Variants in KIFAP3 observed in about 807,000 individuals in gnomAD.
KIFAP3 encodes kinesin-associated protein 3.
KIFAP3 carries 68 observed loss-of-function variants against 106.5 expected under a neutral mutation model. That is an observed-to-expected ratio of 0.64 (90% CI 0.53 to 0.78). The LOEUF is 0.78. KIFAP3 is among the 30% of genes least tolerant of loss of function. The pLI, the probability that KIFAP3 is intolerant of heterozygous loss-of-function variation, is 0.00. For synonymous variants in KIFAP3, 320 were observed against 311.5 expected, an observed-to-expected ratio of 1.03 and a Z score of -0.29; for missense variants, 780 against 941.8, an observed-to-expected ratio of 0.83 and a Z score of 2.25.
intron 7 of KIFAP3, 185 bp from the exon 8 acceptor site, chr1:170,032,169 C>G: frequency 2.1e-6 from 1 of 486,104 alleles, no homozygotes; most frequent in Non-Finnish European, 3.7e-6. Context: ...TATTTAAGTG[C>G]TCATGGATTC....
intron 8 of KIFAP3, among the ~76,000 whole-genome samples, chr1:170,031,314 T>C (rs953162532): frequency 2.6e-5 from 4 of 151,680 alleles, no homozygotes; most frequent in African/African-American, 9.7e-5. Flanking sequence ...ATGTACAAAG[T>C]TAGTCAAACA....
chr1:170,034,556 T>G (rs951985986), intron 6 of KIFAP3, 60 bp from the exon 7 acceptor site: 17 of 953,632 alleles, frequency 1.8e-5, no homozygotes, highest in Non-Finnish European at 2.4e-5. Context: ...TACAGGAAAT[T>G]TGTTTTTGGT....
At chr1:170,003,495 A>AGGCAG (rs1667772611) in intron 10 of KIFAP3, among the ~76,000 whole-genome samples, 1 of 152,160 alleles carries the variant, frequency 6.6e-6, no homozygotes, top group Non-Finnish European at 1.5e-5. Context: ...GCACTTGAGG[A>AGGCAG]GGCAGTCTGC....
In KIFAP3 at chr1:169,969,543, C is replaced by T. The variant is rs149794721; in HGVS notation, c.1983+2970G>A. ...AGAATATTAGAGCTTGCTATTAATT[C>T]CAGATTATTAAAATAAAAACAATCT... On this transcript the variant is annotated intron_variant, in intron 17 of 19. Coordinates refer to ENST00000361580, the MANE Select transcript of KIFAP3 (RefSeq NM_014970.4). 5.1e-3 allele frequency among the ~76,000 whole-genome samples: 780 copies of T among 152,000 alleles called. 5 individuals carry two copies. Among genetic ancestry groups the T allele is most frequent in the Middle Eastern group, 0.01 (3 of 294 alleles).
At chr1:170,013,183 T>C (rs1455376726) in intron 10 of KIFAP3, among the ~76,000 whole-genome samples, 1 of 152,126 alleles carries the variant, frequency 6.6e-6, no homozygotes, top group Non-Finnish European at 1.5e-5. Flanking sequence ...CTTCCAGAAC[T>C]GTGAGTAATA....
chr1:170,011,727 C>T (rs940217966), intron 10 of KIFAP3, among the ~76,000 whole-genome samples: 4 of 151,908 alleles, frequency 2.6e-5, no homozygotes, highest in Non-Finnish European at 4.4e-5. Context: ...AATTCATGTC[C>T]TTTATAACAC....
chr1:170,075,167 T>C (rs962180949), upstream of KIFAP3, among the ~76,000 whole-genome samples: 4 of 152,188 alleles, frequency 2.6e-5, no homozygotes, highest in Non-Finnish European at 5.9e-5. Flanking sequence ...AAACAGTTCC[T>C]GAAATTCCAA....
chr1:170,055,234 A>G (rs1670781947), intron 2 of KIFAP3, 71 bp downstream of exon 2: 8 of 1,377,958 alleles, frequency 5.8e-6, no homozygotes, highest in Non-Finnish European at 7.9e-6. Flanking sequence ...GCTGATCAAA[A>G]TAATATCAGA....
intron 10 of KIFAP3, among the ~76,000 whole-genome samples, chr1:170,011,302 A>T (rs755454101): frequency 6.6e-6 from 1 of 151,974 alleles, no homozygotes; most frequent in Non-Finnish European, 1.5e-5. Context: ...AAGGAAAACA[A>T]GTCTAACCAC....
At chr1:170,028,636 C>T (rs1669241790) in intron 8 of KIFAP3, among the ~76,000 whole-genome samples, 1 of 152,106 alleles carries the variant, frequency 6.6e-6, no homozygotes, top group Non-Finnish European at 1.5e-5. Context: ...GACATCTGGC[C>T]TTATTATAGG....
intron 19 of KIFAP3, among the ~76,000 whole-genome samples, chr1:169,925,143 A>G (rs538731144): frequency 1.3e-5 from 2 of 152,198 alleles, no homozygotes; most frequent in Non-Finnish European, 2.9e-5. Flanking sequence ...AATGTGGTGT[A>G]TCCCTCTAGA....
intron 1 of KIFAP3, among the ~76,000 whole-genome samples, chr1:170,059,356 C>A (rs1557871452): frequency 6.6e-6 from 1 of 152,152 alleles, no homozygotes; most frequent in Non-Finnish European, 1.5e-5. Context: ...GAAATACAAA[C>A]TATCATCAGA....
intron 15 of KIFAP3, among the ~76,000 whole-genome samples, chr1:169,978,684 G>A (rs1185873430): frequency 2.0e-5 from 3 of 151,980 alleles, no homozygotes; most frequent in Non-Finnish European, 4.4e-5. Flanking sequence ...AACAGCTGAT[G>A]TCCACTGATT....
intron 1 of KIFAP3, among the ~76,000 whole-genome samples, chr1:170,073,724 T>G (rs922277584): frequency 1.3e-5 from 2 of 151,858 alleles, no homozygotes; most frequent in Non-Finnish European, 2.9e-5. Context: ...TTTTTCCAAA[T>G]CAGGAATGAT....
chr1:169,951,994 T>C (rs1397120861), intron 19 of KIFAP3, among the ~76,000 whole-genome samples: 1 of 151,964 alleles, frequency 6.6e-6, no homozygotes, highest in Non-Finnish European at 1.5e-5. Context: ...AATTGTCACC[T>C]GATAGAGTAC....
chr1:170,062,880 C>CTT (rs71765962), intron 1 of KIFAP3, among the ~76,000 whole-genome samples: 1 of 149,084 alleles, frequency 6.7e-6, no homozygotes, highest in African/African-American at 2.5e-5. Context: ...TATTTATAGT[C>CTT]TTTTTTTTTT....
chr1:169,965,932 C>A (rs1347745493), intron 17 of KIFAP3, among the ~76,000 whole-genome samples: 1 of 151,820 alleles, frequency 6.6e-6, no homozygotes, highest in Non-Finnish European at 1.5e-5. Context: ...AACCTAGCAC[C>A]AAATGTAATG....
In KIFAP3 at chr1:169,981,900, C is replaced by A. The variant is rs61825318; in HGVS notation, c.1798+72G>T. On this transcript the variant is annotated intron_variant, in intron 15 of 19. Coordinates refer to ENST00000361580, the MANE Select transcript of KIFAP3 (RefSeq NM_014970.4). ...TGAGAAAAACAGATTACAGACTCTG[C>A]ATTTTATATTTAAATATTTAAATCA... 5 of 1,240,614 alleles carry A rather than the reference C, an allele frequency of 4.0e-6. No homozygotes were observed. The African/African-American group carries it at 4.6e-5, about 11-fold the overall frequency. 76.9% of individuals were successfully genotyped at this position (1,240,614 alleles called of 1,614,324 possible).
At chr1:169,932,870 G>A (rs953080501) in intron 19 of KIFAP3, among the ~76,000 whole-genome samples, 5 of 151,794 alleles carry the variant, frequency 3.3e-5, no homozygotes, top group Admixed American at 2.0e-4. Flanking sequence ...AATGTAAGAT[G>A]CTTAATATAA....
Sources: gnomAD v4.1 joint callset for allele counts (sites outside exome capture counted in the v4.1 genomes callset) on GRCh38, gnomAD v4.1.1 for gene constraint, MANE v1.5 for transcripts, NCBI Gene and HGNC (gene_info 2026-07-23, HGNC 2026-07-21) for gene names.